Variants in INSL6 observed in about 807,000 individuals in gnomAD.
INSL6 encodes the protein insulin like 6.
Under a neutral mutation model 9.4 loss-of-function variants are expected in INSL6, and 16 were observed. The ratio of observed to expected loss-of-function variants is 1.70; its 90% confidence interval spans 1.15 to 2.59. The LOEUF (loss-of-function observed/expected upper bound fraction) is 2.59, where lower values mean the gene tolerates loss of function less well. INSL6 is among the 30% of genes most tolerant of loss of function. INSL6 has a pLI of 0.00. For missense variants in INSL6, 391 were observed against 257.3 expected, an observed-to-expected ratio of 1.52 and a Z score of -3.56; for synonymous variants, 154 against 96.9, an observed-to-expected ratio of 1.59 and a Z score of -3.46.
At chr9:5,068,053 G>A in the INSL6 span, among the ~76,000 whole-genome samples, 4 of 151,872 alleles carry the variant, frequency 2.6e-5, no homozygotes, top group African/African-American at 9.7e-5. Flanking sequence ...CCAGCTACTC[G>A]GGAGGCTGAG....
At chr9:5,078,231 TG>T in the INSL6 span, 1 of 1,214,992 alleles carries the variant, frequency 8.2e-7, no homozygotes, top group Non-Finnish European at 1.2e-6. Flanking sequence ...AAATCTGTTT[TG>T]GGGGCTTGAA....
At chr9:5,081,231 T>A in the INSL6 span, among the ~76,000 whole-genome samples, 1 of 150,766 alleles carries the variant, frequency 6.6e-6, no homozygotes, top group East Asian at 1.9e-4. Context: ...AATTTTAGTT[T>A]TCCATTTAGT....
At chr9:5,006,033 A>T in the INSL6 span, among the ~76,000 whole-genome samples, 1 of 152,212 alleles carries the variant, frequency 6.6e-6, no homozygotes, top group East Asian at 1.9e-4. Context: ...CTGTGAAGAA[A>T]GTCATTGGTA....
chr9:5,019,950 A>C, the INSL6 span, among the ~76,000 whole-genome samples: 1 of 152,196 alleles, frequency 6.6e-6, no homozygotes, highest in Non-Finnish European at 1.5e-5. Context: ...ATGCCTGTAC[A>C]TTAGCCCCAG....
the INSL6 span, among the ~76,000 whole-genome samples, chr9:5,076,220 A>G: frequency 1.3e-5 from 2 of 152,204 alleles, no homozygotes; most frequent in South Asian, 4.1e-4. Flanking sequence ...AATTTTACAT[A>G]AACTTGATTG....
the INSL6 span, chr9:5,066,696 T>C: frequency 3.7e-6 from 6 of 1,604,142 alleles, no homozygotes; most frequent in Non-Finnish European, 5.1e-6. Flanking sequence ...TTGCCATTAG[T>C]AAACTGAAGA....
At chr9:5,085,768 A>C in the INSL6 span, 1 of 754,364 alleles carries the variant, frequency 1.3e-6, no homozygotes, top group South Asian at 1.4e-5. Context: ...ACATGTCGGG[A>C]GTTATTATGA....
chr9:5,179,607 A>G (rs1220899439), intron 1 of INSL6, among the ~76,000 whole-genome samples: 1 of 152,258 alleles, frequency 6.6e-6, no homozygotes, highest in Non-Finnish European at 1.5e-5. Flanking sequence ...ATGCCCACCA[A>G]TGATAAACTG....
chr9:5,013,592 C>T, the INSL6 span, among the ~76,000 whole-genome samples: 4 of 152,166 alleles, frequency 2.6e-5, no homozygotes, highest in Non-Finnish European at 5.9e-5. Context: ...TGTGTACATT[C>T]CTCTTTCCAT....
the INSL6 span, chr9:5,090,793 A>G: frequency 6.2e-7 from 1 of 1,613,424 alleles, no homozygotes; most frequent in Non-Finnish European, 8.5e-7. Context: ...GGCAACGAGA[A>G]ATATATTGGT....
the INSL6 span, among the ~76,000 whole-genome samples, chr9:5,024,129 A>G: frequency 6.6e-6 from 1 of 152,178 alleles, no homozygotes; most frequent in Non-Finnish European, 1.5e-5. Context: ...GGTGGTGGGC[A>G]CCTGTAGTCC....
the INSL6 span, among the ~76,000 whole-genome samples, chr9:5,015,858 T>C: frequency 2.6e-5 from 4 of 152,144 alleles, no homozygotes; most frequent in Non-Finnish European, 5.9e-5. Context: ...TACCATCCTT[T>C]CTGTTCTAAA....
At chr9:5,069,884 A>C in the INSL6 span, 2 of 1,345,580 alleles carry the variant, frequency 1.5e-6, no homozygotes, top group East Asian at 2.4e-5. Context: ...TCATACTTTC[A>C]GTGTATTTTG....
the INSL6 span, among the ~76,000 whole-genome samples, chr9:5,006,045 C>G: frequency 2.6e-4 from 38 of 143,496 alleles, no homozygotes; most frequent in South Asian, 4.5e-4. Flanking sequence ...TCATTGGTAG[C>G]TTGATGGGGA....
chr9:5,168,614 C>T (rs1825109068), intron 1 of INSL6, among the ~76,000 whole-genome samples: 1 of 151,728 alleles, frequency 6.6e-6, no homozygotes, highest in African/African-American at 2.4e-5. Context: ...AATAGGGGCA[C>T]CTGAACAAGA....
intron 3 of INSL6, among the ~76,000 whole-genome samples, chr9:5,132,298 A>T (rs530286265): frequency 6.6e-6 from 1 of 152,354 alleles, no homozygotes; most frequent in South Asian, 2.1e-4. Context: ...AATGATGAAC[A>T]TGGTGCTAGG....
chr9:5,018,060 A>G, the INSL6 span, among the ~76,000 whole-genome samples: 92 of 152,152 alleles, frequency 6.0e-4, no homozygotes, highest in Non-Finnish European at 1.1e-3. Context: ...GCCATTCTCT[A>G]TCTTTTAAGT....
chr9:5,182,163 G>C (rs1473270139), intron 1 of INSL6, among the ~76,000 whole-genome samples: 1 of 152,072 alleles, frequency 6.6e-6, no homozygotes, highest in East Asian at 1.9e-4. Context: ...AGGCTACATA[G>C]GTTAGGTGTT....
chr9:5,178,757 T>A (rs147258334), intron 1 of INSL6, among the ~76,000 whole-genome samples: 18 of 152,162 alleles, frequency 1.2e-4, no homozygotes, highest in African/African-American at 3.6e-4. Flanking sequence ...AAACAAGCAA[T>A]GAGGGAAGAA....
Sources: allele counts gnomAD v4.1 joint callset (sites outside exome capture counted in the v4.1 genomes callset), GRCh38; gene constraint gnomAD v4.1.1; transcripts MANE v1.5; gene names NCBI Gene and HGNC (gene_info 2026-07-23, HGNC 2026-07-21).